The following DNAJB6 variants were observed in gnomAD, a reference collection of about 807,000 sequenced individuals.
DNAJB6 encodes DnaJ heat shock protein family (Hsp40) member B6, also known as dnaJ homolog subfamily B member 6.
DNAJB6 carries 16 observed loss-of-function variants against 42.7 expected under a neutral mutation model. The observed-to-expected ratio is 0.37, with a 90% CI of 0.25 to 0.57. DNAJB6 has a LOEUF of 0.57. DNAJB6 is among the 20% of genes least tolerant of loss of function. DNAJB6 has a pLI of 0.74. For missense variants in DNAJB6, 347 were observed against 416.8 expected, an observed-to-expected ratio of 0.83 and a Z score of 1.46; for synonymous variants, 170 against 163.5, an observed-to-expected ratio of 1.04 and a Z score of -0.30.
intron 6 of DNAJB6, among the ~76,000 whole-genome samples, chr7:157,383,218 G>C (rs1800876137): frequency 6.6e-6 from 1 of 152,140 alleles, no homozygotes; most frequent in Non-Finnish European, 1.5e-5. Flanking sequence ...GTGTTGGCCA[G>C]GCTGGTGTTG....
intron 1 of DNAJB6, among the ~76,000 whole-genome samples, chr7:157,356,915 C>T (rs149351630): frequency 1.3e-5 from 2 of 152,112 alleles, no homozygotes; most frequent in African/African-American, 4.8e-5. Flanking sequence ...GTCATTCTGT[C>T]GAATTGATAA....
chr7:157,399,818 G>A (rs1024586533), intron 8 of DNAJB6, among the ~76,000 whole-genome samples: 13 of 152,036 alleles, frequency 8.6e-5, no homozygotes, highest in East Asian at 3.9e-4. Flanking sequence ...ACAGGTGCGC[G>A]CCACCACCCC....
chr7:157,366,002 G>A (rs1799826156), intron 3 of DNAJB6, among the ~76,000 whole-genome samples: 1 of 151,384 alleles, frequency 6.6e-6, no homozygotes, highest in Non-Finnish European at 1.5e-5. Flanking sequence ...CCAGGCTGGA[G>A]TGCAATGGCA....
chr7:157,371,170 A>T (rs1191177302), intron 5 of DNAJB6, among the ~76,000 whole-genome samples: 3 of 152,120 alleles, frequency 2.0e-5, no homozygotes, highest in Non-Finnish European at 4.4e-5. Flanking sequence ...ACCCCAACCC[A>T]TCACCCACTG....
intron 8 of DNAJB6, among the ~76,000 whole-genome samples, chr7:157,408,278 T>C (rs919098351): frequency 2.6e-5 from 4 of 152,104 alleles, no homozygotes; most frequent in African/African-American, 9.7e-5. Flanking sequence ...CGGTGCTTGG[T>C]TAAATGGTCC....
chr7:157,390,879 A>G (rs1462965159), intron 8 of DNAJB6, among the ~76,000 whole-genome samples: 1 of 152,168 alleles, frequency 6.6e-6, no homozygotes, highest in Admixed American at 6.5e-5. Context: ...TCTCTAACCC[A>G]GGCTGGAGTA....
rs778209660 is a variant in DNAJB6 at position 157,384,944 on chromosome 7, G to A, written c.556G>A (p.Gly186Ser). The change falls in exon 7 of 10, where the codon GGC (glycine) becomes AGC (serine). Residue 186 changes from glycine (G) to serine (S), a missense_variant. This residue lies in a region of DNAJB6 where 264 missense variants were observed against 288.0 expected (regional missense o/e 0.92). Transcript: ENST00000262177. ...SSTSFGGSGM[G>S]NFKSISTSTK... ...CACGTCATTTGGTGGTAGTGGCATG[G>A]GCAACTTCAAATCGATATCAACTTC... The A allele has an allele frequency of 6.2e-7, 1 of 1,613,874 alleles. No individual in the cohort carries two copies. Among genetic ancestry groups the A allele is most frequent in the East Asian group, 2.2e-5 (1 of 44,872 alleles).
At chr7:157,343,284 C>A (rs139482168) in intron 1 of DNAJB6, among the ~76,000 whole-genome samples, 1 of 151,898 alleles carries the variant, frequency 6.6e-6, no homozygotes, top group Non-Finnish European at 1.5e-5. Context: ...CTCAGGCTGC[C>A]GAGTAGCTGG....
intron 1 of DNAJB6, among the ~76,000 whole-genome samples, chr7:157,352,251 C>T (rs1799023783): frequency 6.6e-6 from 1 of 151,890 alleles, no homozygotes; most frequent in Non-Finnish European, 1.5e-5. Context: ...GTCGCTTGAA[C>T]CAGGGAGTTG....
chr7:157,365,022 G>A (rs1799777031), intron 3 of DNAJB6, among the ~76,000 whole-genome samples: 1 of 152,230 alleles, frequency 6.6e-6, no homozygotes, highest in Non-Finnish European at 1.5e-5. Context: ...CATGATCACA[G>A]TTCGCTGCAG....
chr7:157,391,553 G>C (rs1801342564), intron 8 of DNAJB6, among the ~76,000 whole-genome samples: 1 of 152,104 alleles, frequency 6.6e-6, no homozygotes, highest in African/African-American at 2.4e-5. Flanking sequence ...GTTTCCCTCA[G>C]TTGGGGTCTG....
chr7:157,374,005 A>G (rs1242699177), intron 5 of DNAJB6, among the ~76,000 whole-genome samples: 1 of 152,126 alleles, frequency 6.6e-6, no homozygotes, highest in East Asian at 1.9e-4. Flanking sequence ...AAATAATGAG[A>G]TGCCATCTCT....
chr7:157,339,601 T>TTGTGTGTG (rs59577692), intron 1 of DNAJB6, among the ~76,000 whole-genome samples: 139 of 122,426 alleles, frequency 1.1e-3, no homozygotes, highest in East Asian at 4.9e-3. Context: ...GCCCGGCCTT[T>TTGTGTGTG]TGTGTGTGTG....
intron 8 of DNAJB6, among the ~76,000 whole-genome samples, chr7:157,397,902 G>C (rs1801673093): frequency 6.6e-6 from 1 of 152,266 alleles, no homozygotes; most frequent in South Asian, 2.1e-4. Context: ...TGTAATCCCA[G>C]CTACTCGGAA....
In DNAJB6 at chr7:157,354,251, G is replaced by C. The variant is rs551561350; in HGVS notation, c.-26-4296G>C. Among the ~76,000 whole-genome samples, 378 of 152,110 alleles carry C rather than the reference G, an allele frequency of 2.5e-3. 1 individual carries two copies. The highest frequency in any genetic ancestry group is 4.5e-3 in the Non-Finnish European group (307 of 67,998). On this transcript the variant is annotated intron_variant, in intron 1 of 9. Transcript: ENST00000262177. The stretch of plus-strand genomic sequence containing the variant: ...CAGCCTCCGCTTCCTGGGTTCAAGC[G>C]ATTCTCCTGCCTCAGCCTCTTGAGT...
chr7:157,342,250 C>T (rs547470797), intron 1 of DNAJB6, among the ~76,000 whole-genome samples: 1 of 152,148 alleles, frequency 6.6e-6, no homozygotes, highest in South Asian at 2.1e-4. Context: ...TCACCCCAGC[C>T]TCCGCCTCCT....
intron 1 of DNAJB6, among the ~76,000 whole-genome samples, chr7:157,345,105 T>C (rs1465068189): frequency 6.6e-6 from 1 of 152,136 alleles, no homozygotes; most frequent in Non-Finnish European, 1.5e-5. Context: ...GTGATTCTCC[T>C]GCCTCAGCCT....
rs57002445 is a variant in DNAJB6 at position 157,383,611 on chromosome 7, TTGTGTGTG to T, written c.479-1231_479-1224del. Among the ~76,000 whole-genome samples, 1,088 of 149,408 alleles carry T rather than the reference TTGTGTGTG, an allele frequency of 7.3e-3. 23 individuals are homozygous for T. The highest frequency in any genetic ancestry group is 0.026 in the East Asian group (129 of 5,054). The stretch of plus-strand genomic sequence containing the variant: ...TAATCAGTGGCTCCTGTATGTGTGT[TTGTGTGTG>T]TGTGTGTGTGTGTGTGTGTGTGTGG... On this transcript the variant is annotated intron_variant, in intron 6 of 9. Transcript: ENST00000262177.
chr7:157,385,580 A>G lies in DNAJB6; in HGVS notation c.660A>G (p.Glu220=). 1 of 1,613,948 alleles carries G rather than the reference A, an allele frequency of 6.2e-7. No individual in the cohort carries two copies. Among genetic ancestry groups the G allele is most frequent in the Non-Finnish European group, 8.5e-7 (1 of 1,179,862 alleles). ...GTCAAGAAAGAGTAGAAGTTGAAGAAGATGGCCAGTTAAAGTCCTTAACAA... is the reference window on the plus strand; with the variant it reads ...GTCAAGAAAGAGTAGAAGTTGAAGAGGATGGCCAGTTAAAGTCCTTAACAA... ...ENGQERVEVE[E]DGQLKSLTIN... is the part of the protein sequence containing the mutation. Residue 220 remains glutamate (E), a synonymous_variant, in exon 8 of 10, where the codon GAA becomes GAG. Transcript: ENST00000262177.
Sources: allele counts gnomAD v4.1 joint callset (sites outside exome capture counted in the v4.1 genomes callset), GRCh38; gene constraint gnomAD v4.1.1; regional missense constraint gnomAD v4.1.1; transcripts MANE v1.5; gene names NCBI Gene and HGNC (gene_info 2026-07-23, HGNC 2026-07-21).